The following GPR141 variants were observed in gnomAD, a reference collection of about 807,000 sequenced individuals.
The protein encoded by GPR141 is G protein-coupled receptor 141.
In GPR141, 6 loss-of-function variants were observed where a neutral mutation model predicts 6.8. The ratio of observed to expected loss-of-function variants is 0.88; its 90% CI spans 0.48 to 1.74. The LOEUF (loss-of-function observed/expected upper bound fraction) is 1.74, where lower values mean the gene tolerates loss of function less well. Ranked by LOEUF, GPR141 falls within the 40% of genes most tolerant of loss-of-function variation. The pLI, the probability that GPR141 is intolerant of heterozygous loss-of-function variation, is 0.01. For synonymous variants in GPR141, 140 were observed against 142.3 expected (o/e 0.98, Z 0.11); for missense variants, 372 against 372.9 (o/e 1.00, Z 0.02).
intron 2 of GPR141, chr7:37,709,814 G>C (rs74666797): frequency 6.6e-6 from 1 of 152,112 alleles, no homozygotes; most frequent in African/African-American, 2.4e-5. Context: ...GTACTCAAGG[G>C]TGAGGGAGGC....
intron 2 of GPR141, among the ~76,000 whole-genome samples, chr7:37,729,260 C>T (rs1381569566): frequency 6.6e-6 from 1 of 152,090 alleles, no homozygotes; most frequent in Non-Finnish European, 1.5e-5. Context: ...GAGTTTGAGG[C>T]CAGGCTTCAT....
chr7:37,737,022 T>C (rs1340825834), intron 2 of GPR141, among the ~76,000 whole-genome samples: 1 of 152,152 alleles, frequency 6.6e-6, no homozygotes, highest in African/African-American at 2.4e-5. Flanking sequence ...ATTAAAATGC[T>C]CTGAATTTAT....
In GPR141 at chr7:37,694,040, A is replaced by G. The variant is rs138468262; in HGVS notation, c.-15+8457A>G. 8.8e-3 allele frequency among the ~76,000 whole-genome samples: 1,333 copies of G among 152,200 alleles called. 20 individuals are homozygous for G. The highest frequency in any genetic ancestry group is 0.03 in the African/African-American group (1,226 of 41,532). On this transcript the variant is annotated intron_variant, in intron 2 of 2. Transcript: ENST00000334425. ...TTCGGCTTAGGTGCTGCAGGGTATG[A>G]CCACTTCAGACAGTCAAGGCACCAT...
At chr7:37,709,969 C>T (rs557997090) in intron 2 of GPR141, among the ~76,000 whole-genome samples, 1 of 150,176 alleles carries the variant, frequency 6.7e-6, no homozygotes, top group South Asian at 2.1e-4. Context: ...CCCTGCACGC[C>T]CGCAGTAAGC....
At chr7:37,705,731 T>A (rs1320067075) in intron 2 of GPR141, among the ~76,000 whole-genome samples, 2 of 152,182 alleles carry the variant, frequency 1.3e-5, no homozygotes, top group Non-Finnish European at 2.9e-5. Flanking sequence ...TTGAAAATAT[T>A]TGGAGAGCAA....
At chr7:37,716,063 G>A (rs909166732) in intron 2 of GPR141, among the ~76,000 whole-genome samples, 4 of 152,166 alleles carry the variant, frequency 2.6e-5, no homozygotes, top group African/African-American at 9.7e-5. Flanking sequence ...TCAGAATGAC[G>A]TGGATCTTGA....
intron 2 of GPR141, among the ~76,000 whole-genome samples, chr7:37,712,756 T>G (rs1810863654): frequency 6.6e-6 from 1 of 152,184 alleles, no homozygotes; most frequent in African/African-American, 2.4e-5. Flanking sequence ...AATAAGTTTA[T>G]CCCAAGACTC....
chr7:37,728,239 A>G (rs1323497131), intron 2 of GPR141, among the ~76,000 whole-genome samples: 3 of 146,886 alleles, frequency 2.0e-5, no homozygotes, highest in Non-Finnish European at 4.5e-5. Context: ...TTCTGTAAAT[A>G]ATTGATGTGC....
chr7:37,707,368 A>G (rs1366469131), intron 2 of GPR141, among the ~76,000 whole-genome samples: 1 of 152,086 alleles, frequency 6.6e-6, no homozygotes, highest in East Asian at 1.9e-4. Context: ...AGTGGTATAT[A>G]TCCCACTGTA....
chr7:37,707,445 T>G (rs1810575128), intron 2 of GPR141, among the ~76,000 whole-genome samples: 1 of 152,178 alleles, frequency 6.6e-6, no homozygotes, highest in African/African-American at 2.4e-5. Context: ...ATGAAGGTCA[T>G]TGATGAACTA....
chr7:37,685,935 G>A (rs1326093800), intron 2 of GPR141, among the ~76,000 whole-genome samples: 1 of 152,006 alleles, frequency 6.6e-6, no homozygotes, highest in East Asian at 1.9e-4. Flanking sequence ...CATTGTGCTA[G>A]CACTATAAGA....
intron 2 of GPR141, among the ~76,000 whole-genome samples, chr7:37,712,159 T>TAG (rs1423553231): frequency 1.3e-5 from 2 of 152,160 alleles, no homozygotes; most frequent in Admixed American, 1.3e-4. Flanking sequence ...GAATCTGCTC[T>TAG]AGAGAGAAGT....
intron 2 of GPR141, among the ~76,000 whole-genome samples, chr7:37,722,719 TCAA>T (rs756060338): frequency 2.0e-5 from 1 of 50,136 alleles, no homozygotes; most frequent in African/African-American, 1.6e-4. Flanking sequence ...AGACTCCATC[TCAA>T]AAAAAAAAAA....
At chr7:37,734,669 TGTAGGA>T (rs1812146421) in intron 2 of GPR141, among the ~76,000 whole-genome samples, 1 of 152,202 alleles carries the variant, frequency 6.6e-6, no homozygotes, top group Non-Finnish European at 1.5e-5. Context: ...TCTCATGTAG[TGTAGGA>T]GTTCTCTGAC....
At chr7:37,684,912 G>A (rs1809429045) in intron 1 of GPR141, among the ~76,000 whole-genome samples, 1 of 152,208 alleles carries the variant, frequency 6.6e-6, no homozygotes. Context: ...GTGAATTCTA[G>A]TCCTCTGTTT....
chr7:37,719,355 G>A (rs1007903823), intron 2 of GPR141, among the ~76,000 whole-genome samples: 4 of 152,172 alleles, frequency 2.6e-5, no homozygotes, highest in Non-Finnish European at 5.9e-5. Context: ...TCAGTGATAA[G>A]TTTTTGTATC....
intron 2 of GPR141, among the ~76,000 whole-genome samples, chr7:37,737,452 G>C (rs2131860237): frequency 6.6e-6 from 1 of 152,276 alleles, no homozygotes; most frequent in South Asian, 2.1e-4. Flanking sequence ...ACATACTACT[G>C]TCTTGTCAAA....
At chr7:37,708,866 A>G (rs1347127454) in intron 2 of GPR141, among the ~76,000 whole-genome samples, 1 of 152,218 alleles carries the variant, frequency 6.6e-6, no homozygotes, top group Non-Finnish European at 1.5e-5. Flanking sequence ...AGCCTTCTCA[A>G]CATTTTACAT....
intron 2 of GPR141, among the ~76,000 whole-genome samples, chr7:37,696,587 C>G (rs1810026686): frequency 6.6e-6 from 1 of 151,768 alleles, no homozygotes; most frequent in South Asian, 2.1e-4. Context: ...CACTGATGTG[C>G]ACATATGGAA....
Sources: allele counts gnomAD v4.1 joint callset (sites outside exome capture counted in the v4.1 genomes callset), GRCh38; gene constraint gnomAD v4.1.1; transcripts MANE v1.5; gene names NCBI Gene and HGNC (gene_info 2026-07-23, HGNC 2026-07-21).